Variants in DOCK2 observed in about 807,000 individuals in gnomAD.
DOCK2 encodes dedicator of cytokinesis protein 2.
In DOCK2, 87 loss-of-function variants were observed where a neutral mutation model predicts 248.9. That is an observed-to-expected ratio of 0.35 (90% CI 0.29 to 0.42). The LOEUF (loss-of-function observed/expected upper bound fraction) is 0.42, where lower values mean the gene tolerates loss of function less well. Among genes scored for constraint, DOCK2 ranks in the 10% least tolerant of loss-of-function variants. The pLI, the probability that DOCK2 is intolerant of heterozygous loss-of-function variation, is 1.00. For missense variants in DOCK2, 1,747 were observed against 2,300.2 expected, an observed-to-expected ratio of 0.76 and a Z score of 4.92; for synonymous variants, 805 against 821.6, an observed-to-expected ratio of 0.98 and a Z score of 0.35.
At chr5:169,745,362 C>T (rs527723136) in intron 22 of DOCK2, among the ~76,000 whole-genome samples, 36 of 152,328 alleles carry the variant, frequency 2.4e-4, no homozygotes, top group African/African-American at 8.4e-4. Context: ...AATCATGCTA[C>T]TCTTCCAACT....
chr5:170,067,653 T>C lies in DOCK2; in HGVS notation c.4611T>C (p.Pro1537=). Reference sequence around the variant, plus strand: ...TGCTCCTGAACGGGATTGTGGACCCTGCTGTCATGGGAGGCTTCGCCAAGT... The same window carrying C: ...TGCTCCTGAACGGGATTGTGGACCCCGCTGTCATGGGAGGCTTCGCCAAGT... ...LSMLLNGIVD[P]AVMGGFAKYE... is the part of the protein sequence containing the mutation. Residue 1537 remains proline, a synonymous_variant, in exon 45 of 52, where the codon CCT becomes CCC. Coordinates refer to ENST00000520908, the MANE Select transcript of DOCK2 (RefSeq NM_004946.3). 6.2e-7 allele frequency: 1 copy of C among 1,614,176 alleles called. No individual in the cohort carries two copies. The highest frequency in any genetic ancestry group is 1.3e-5 in the African/African-American group (1 of 75,070).
chr5:169,880,176 A>T (rs1772557030), intron 27 of DOCK2, among the ~76,000 whole-genome samples: 1 of 152,204 alleles, frequency 6.6e-6, no homozygotes, highest in Admixed American at 6.5e-5. Context: ...AAGACTTCAC[A>T]TTGAGGTGAA....
intron 36 of DOCK2, among the ~76,000 whole-genome samples, chr5:170,039,585 C>G (rs917390153): frequency 2.0e-5 from 3 of 152,226 alleles, no homozygotes; most frequent in African/African-American, 7.2e-5. Context: ...ACTAGGTGAC[C>G]TTTCCTCGCC....
chr5:169,881,315 C>T (rs897001330), intron 27 of DOCK2: 13 of 1,433,756 alleles, frequency 9.1e-6, no homozygotes, highest in East Asian at 2.5e-5. Flanking sequence ...GAGTGTTCAG[C>T]GGACCCTATG....
intron 22 of DOCK2, among the ~76,000 whole-genome samples, chr5:169,727,055 G>A (rs1377693449): frequency 6.7e-6 from 1 of 150,096 alleles, no homozygotes; most frequent in African/African-American, 2.5e-5. Flanking sequence ...GTGATAGAGT[G>A]CGACCCTGTC....
chr5:169,657,343 T>G (rs1320744370), intron 2 of DOCK2, among the ~76,000 whole-genome samples: 2 of 152,144 alleles, frequency 1.3e-5, no homozygotes, highest in Non-Finnish European at 2.9e-5. Flanking sequence ...AACCACAATG[T>G]TAGTCAAAAA....
chr5:169,798,614 G>C (rs1331611964), intron 25 of DOCK2, among the ~76,000 whole-genome samples: 1 of 152,138 alleles, frequency 6.6e-6, no homozygotes, highest in African/African-American at 2.4e-5. Context: ...CTAATAGGTT[G>C]CCACTCCTAA....
chr5:169,705,371 T>C (rs4867879), intron 14 of DOCK2, among the ~76,000 whole-genome samples: 68,989 of 151,910 alleles, frequency 0.45, 16,497 homozygotes, highest in East Asian at 0.7. Context: ...AACCTCTGTT[T>C]TTCTGAGACC....
rs1755633861 is a variant in DOCK2 at position 170,019,097 on chromosome 5, G to A, written c.3370G>A (p.Asp1124Asn). Reference sequence around the variant, plus strand: ...GCTGTGTGAATATCAAAGAAGTGGGGATTTCAAAAAGGTAAAAAATGAGGC... The same window carrying A: ...GCTGTGTGAATATCAAAGAAGTGGGAATTTCAAAAAGGTAAAAAATGAGGC... Reference protein sequence around the residue: ...MMLCEYQRSGDFKKFENEIIL... With the variant: ...MMLCEYQRSGNFKKFENEIIL... The change falls in exon 33 of 52, where the codon GAT (aspartate) becomes AAT (asparagine). Residue 1124 changes from aspartate (D) to asparagine (N), a missense_variant. Coordinates refer to ENST00000520908, the MANE Select transcript of DOCK2 (RefSeq NM_004946.3). The A allele has an allele frequency of 6.2e-7, 1 of 1,614,002 alleles. No individual in the cohort carries two copies. Among genetic ancestry groups the A allele is most frequent in the Non-Finnish European group, 8.5e-7 (1 of 1,179,910 alleles).
chr5:169,851,058 A>C (rs968047830), intron 27 of DOCK2, among the ~76,000 whole-genome samples: 2 of 152,234 alleles, frequency 1.3e-5, no homozygotes, highest in Non-Finnish European at 2.9e-5. Flanking sequence ...AGTGAGACCC[A>C]TGTGGGAAGG....
At chr5:170,025,278 C>T (rs1012258307) in intron 33 of DOCK2, among the ~76,000 whole-genome samples, 1 of 152,246 alleles carries the variant, frequency 6.6e-6, no homozygotes, top group Non-Finnish European at 1.5e-5. Flanking sequence ...CTTCCACCTG[C>T]TTTTGTAAAT....
chr5:169,875,434 A>G (rs945736108), intron 27 of DOCK2: 3 of 387,226 alleles, frequency 7.7e-6, no homozygotes, highest in Admixed American at 3.1e-5. Flanking sequence ...ACTCAGTGAC[A>G]ATCGAACATT....
chr5:169,689,240 T>A lies in DOCK2; in HGVS notation c.762-12T>A. On this transcript the variant is annotated splice_polypyrimidine_tract_variant and intron_variant, in intron 8 of 51. Transcript: ENST00000520908. ...CCTTGGCAGTAACGGGCTGCCACTC[T>A]TCTTCCCACAGTGAGAACTACCTAG... is the stretch of plus-strand genomic sequence containing the variant. 1 of 1,613,948 alleles carries A rather than the reference T, an allele frequency of 6.2e-7. No homozygotes were observed. Among genetic ancestry groups the A allele is most frequent in the African/African-American group, 1.3e-5 (1 of 75,044 alleles).
chr5:170,035,004 T>C (rs1287638598), intron 35 of DOCK2, among the ~76,000 whole-genome samples: 1 of 152,226 alleles, frequency 6.6e-6, no homozygotes, highest in African/African-American at 2.4e-5. Flanking sequence ...CCCTGGCCCA[T>C]GGTTAAATGC....
intron 25 of DOCK2, among the ~76,000 whole-genome samples, chr5:169,779,576 A>G (rs1208982984): frequency 6.6e-6 from 1 of 152,110 alleles, no homozygotes; most frequent in Non-Finnish European, 1.5e-5. Flanking sequence ...AACTCACAAG[A>G]TGATTAGGTG....
intron 46 of DOCK2, among the ~76,000 whole-genome samples, chr5:170,073,733 GT>G (rs1405081655): frequency 6.6e-6 from 1 of 151,716 alleles, no homozygotes; most frequent in African/African-American, 2.4e-5. Context: ...TTTTCTGTTT[GT>G]TAACTTTTTG....
chr5:169,651,526 T>G (rs1402643745), intron 1 of DOCK2, among the ~76,000 whole-genome samples: 1 of 152,190 alleles, frequency 6.6e-6, no homozygotes, highest in Admixed American at 6.5e-5. Context: ...TGGACACCCC[T>G]GATTTGCTCG....
At chr5:169,724,248 T>C (rs984392630) in intron 22 of DOCK2, among the ~76,000 whole-genome samples, 11 of 152,086 alleles carry the variant, frequency 7.2e-5, no homozygotes, top group Non-Finnish European at 1.0e-4. Context: ...CTAGGAAGCA[T>C]GGTAACATCC....
chr5:169,680,230 A>T (rs932853697), intron 6 of DOCK2, among the ~76,000 whole-genome samples: 2 of 152,192 alleles, frequency 1.3e-5, no homozygotes, highest in African/African-American at 2.4e-5. Context: ...TCATTTGTAA[A>T]ATGGGGTTAT....
Sources: gnomAD v4.1 joint callset for allele counts (sites outside exome capture counted in the v4.1 genomes callset) on GRCh38, gnomAD v4.1.1 for gene constraint, MANE v1.5 for transcripts, NCBI Gene and HGNC (gene_info 2026-07-23, HGNC 2026-07-21) for gene names.